The following ZNF609 variants were observed in gnomAD, a reference collection of about 807,000 sequenced individuals.
ZNF609 encodes zinc finger protein 609.
In ZNF609, 11 loss-of-function variants were observed where a neutral mutation model predicts 109.5. The observed-to-expected ratio is 0.10, with a 90% CI of 0.06 to 0.17. ZNF609 has a LOEUF of 0.17. Among genes scored for constraint, ZNF609 ranks in the 10% least tolerant of loss-of-function variants. ZNF609 has a pLI of 1.00. For synonymous variants in ZNF609, 646 were observed against 662.0 expected (o/e 0.98, Z 0.37); for missense variants, 1,559 against 1,772.4 (o/e 0.88, Z 2.16).
At chr15:64,513,949 G>A (rs1331050931) in intron 2 of ZNF609, among the ~76,000 whole-genome samples, 2 of 152,028 alleles carry the variant, frequency 1.3e-5, no homozygotes, top group African/African-American at 4.8e-5. Flanking sequence ...AAAATTAGCT[G>A]GGTGTGTTGA....
intron 1 of ZNF609, among the ~76,000 whole-genome samples, chr15:64,492,662 G>A (rs902024888): frequency 2.0e-5 from 3 of 152,112 alleles, no homozygotes; most frequent in Admixed American, 1.3e-4. Flanking sequence ...GATTACAGTC[G>A]TGAGGTGCTG....
chr15:64,630,616 A>G (rs1052725056), intron 3 of ZNF609, among the ~76,000 whole-genome samples: 10 of 150,226 alleles, frequency 6.7e-5, no homozygotes, highest in African/African-American at 2.2e-4. Context: ...GCTGGAGCGT[A>G]GTGGTGTGAT....
At chr15:64,511,481 CA>C (rs796464007) in intron 2 of ZNF609, among the ~76,000 whole-genome samples, 1,259 of 65,132 alleles carry the variant, frequency 0.019, 15 homozygotes, top group African/African-American at 0.048. Flanking sequence ...AACTTTGTCT[CA>C]AAAAAAAAAA....
chr15:64,474,784 G>A (rs1485300622), intron 1 of ZNF609, among the ~76,000 whole-genome samples: 1 of 152,098 alleles, frequency 6.6e-6, no homozygotes, highest in Non-Finnish European at 1.5e-5. Flanking sequence ...AAGAGTGTGT[G>A]CAAATAAAGC....
chr15:64,516,772 A>C (rs1038132446), intron 2 of ZNF609, among the ~76,000 whole-genome samples: 2 of 151,932 alleles, frequency 1.3e-5, no homozygotes, highest in African/African-American at 4.8e-5. Flanking sequence ...TCTTGTATTG[A>C]TCTTATCTTA....
At chr15:64,622,052 A>T (rs1895884785) in intron 2 of ZNF609, among the ~76,000 whole-genome samples, 1 of 152,114 alleles carries the variant, frequency 6.6e-6, no homozygotes, top group Admixed American at 6.6e-5. Context: ...ATCTATGTGT[A>T]CATAATCAAC....
At chr15:64,570,070 G>T (rs950964723) in intron 2 of ZNF609, among the ~76,000 whole-genome samples, 8 of 152,114 alleles carry the variant, frequency 5.3e-5, no homozygotes, top group African/African-American at 1.9e-4. Context: ...ATATTGCCCA[G>T]GCTTGTCTCA....
chr15:64,683,129 G>C lies in ZNF609; in HGVS notation c.*1443G>C, dbSNP rs1214674988. The C allele has an allele frequency of 1.3e-5, 2 of 152,558 alleles. No homozygotes were observed. The highest frequency in any genetic ancestry group is 2.9e-5 in the Non-Finnish European group (2 of 68,032). The allele number at this position is 152,558 out of a possible 1,614,324, so 9.5% of individuals were successfully genotyped here. A position where few individuals can be genotyped will look rare whatever the true frequency, so the allele number is the denominator to read the frequency against. On this transcript the variant is annotated 3_prime_UTR_variant, in exon 10 of 10. Transcript: ENST00000326648. ...GGGGTCATGTCTTCCCCAAGGTGTG[G>C]GGAGCTTAGCTTACTTGGCTTTTGA...
intron 2 of ZNF609, among the ~76,000 whole-genome samples, chr15:64,512,006 C>A (rs1218852463): frequency 6.6e-6 from 1 of 151,340 alleles, no homozygotes. Context: ...AGCCACCGCA[C>A]CCTGCCTACT....
rs1158047831 is a variant in ZNF609 at position 64,550,542 on chromosome 15, T to TA, written c.747+50387dup. 5.5e-3 allele frequency among the ~76,000 whole-genome samples: 796 copies of TA among 143,902 alleles called. 3 individuals carry two copies. Among genetic ancestry groups the TA allele is most frequent in the African/African-American group, 0.019 (754 of 39,304 alleles). 94.4% of individuals were successfully genotyped at this position (143,902 alleles called of 152,430 possible). Reference sequence around the variant, plus strand: ...GACCCTGTTTTTAAAAATAAATAATTAAAAAAAAAAAGAGGAATAGATGAC... The same window carrying TA: ...GACCCTGTTTTTAAAAATAAATAATTAAAAAAAAAAAAGAGGAATAGATGAC... On this transcript the variant is annotated intron_variant, in intron 2 of 9. Coordinates refer to ENST00000326648, the MANE Select transcript of ZNF609 (RefSeq NM_015042.2).
intron 3 of ZNF609, among the ~76,000 whole-genome samples, chr15:64,669,034 T>C (rs560025734): frequency 3.9e-4 from 57 of 147,888 alleles, no homozygotes; most frequent in Middle Eastern, 7.1e-3. Flanking sequence ...TTTTATCAGA[T>C]TGGCAAAGAA....
At chr15:64,613,379 T>C (rs570487150) in intron 2 of ZNF609, among the ~76,000 whole-genome samples, 57 of 152,218 alleles carry the variant, frequency 3.7e-4, no homozygotes, top group African/African-American at 1.3e-3. Context: ...AATGTTGTGT[T>C]GTTTTGGGAT....
intron 2 of ZNF609, among the ~76,000 whole-genome samples, chr15:64,550,543 A>T (rs553935137): frequency 2.8e-5 from 4 of 144,790 alleles, no homozygotes; most frequent in Admixed American, 6.9e-5. Flanking sequence ...ATAAATAATT[A>T]AAAAAAAAAA....
chr15:64,506,885 A>G (rs2140355194), intron 2 of ZNF609, among the ~76,000 whole-genome samples: 1 of 152,350 alleles, frequency 6.6e-6, no homozygotes, highest in Non-Finnish European at 1.5e-5. Flanking sequence ...CTGAAATACA[A>G]CAACATTCCA....
chr15:64,507,216 G>A (rs1893650472), intron 2 of ZNF609, among the ~76,000 whole-genome samples: 1 of 152,190 alleles, frequency 6.6e-6, no homozygotes, highest in Non-Finnish European at 1.5e-5. Context: ...GTAGTGCTAA[G>A]TGTTTTTGTT....
chr15:64,627,588 T>C (rs1895985571), intron 3 of ZNF609, among the ~76,000 whole-genome samples: 1 of 152,036 alleles, frequency 6.6e-6, no homozygotes, highest in African/African-American at 2.4e-5. Context: ...TTCTGGGCCT[T>C]AGTTACCTCA....
chr15:64,565,304 C>A (rs1894759771), intron 2 of ZNF609, among the ~76,000 whole-genome samples: 1 of 150,966 alleles, frequency 6.6e-6, no homozygotes, highest in African/African-American at 2.4e-5. Flanking sequence ...TGGTCTTGAA[C>A]ACCTAACCTC....
At chr15:64,638,984 G>A (rs1390803426) in intron 3 of ZNF609, among the ~76,000 whole-genome samples, 1 of 152,120 alleles carries the variant, frequency 6.6e-6, no homozygotes, top group African/African-American at 2.4e-5. Flanking sequence ...TTGGAACCAG[G>A]TGCAGTGGCT....
At chr15:64,479,483 G>C (rs1893219429) in intron 1 of ZNF609, among the ~76,000 whole-genome samples, 1 of 151,576 alleles carries the variant, frequency 6.6e-6, no homozygotes, top group South Asian at 2.1e-4. Flanking sequence ...AGTGGAGATG[G>C]GGTTTCACTG....
Sources: allele counts gnomAD v4.1 joint callset (sites outside exome capture counted in the v4.1 genomes callset), GRCh38; gene constraint gnomAD v4.1.1; transcripts MANE v1.5; gene names NCBI Gene and HGNC (gene_info 2026-07-23, HGNC 2026-07-21).